Variants in NAT10 observed in about 807,000 individuals in gnomAD.
NAT10 encodes N-acetyltransferase 10.
In NAT10, 109 loss-of-function variants were observed where a neutral mutation model predicts 132.2. That is an observed-to-expected ratio of 0.82 (90% CI 0.71 to 0.97). The LOEUF (loss-of-function observed/expected upper bound fraction) is 0.97, where lower values mean the gene tolerates loss of function less well. Among genes scored for constraint, NAT10 ranks in the 50% least tolerant of loss-of-function variants. The probability of loss-of-function intolerance (pLI) is 0.00; values close to 1 mark genes in which losing one functional copy is unlikely to be tolerated. For synonymous variants in NAT10, 479 were observed against 478.0 expected (o/e 1.00, Z -0.03); for missense variants, 1,184 against 1,263.4 (o/e 0.94, Z 0.95).
intron 5 of NAT10, among the ~76,000 whole-genome samples, chr11:34,114,956 C>T (rs1428470306): frequency 6.6e-6 from 1 of 152,070 alleles, no homozygotes; most frequent in Non-Finnish European, 1.5e-5. Flanking sequence ...AGTTTGAGAC[C>T]AGCCTGGCCA....
rs750175414 is a variant in NAT10 at position 34,140,588 on chromosome 11, C to T, written c.2592+16C>T. On this transcript the variant is annotated intron_variant, in intron 24 of 28. Coordinates refer to ENST00000257829, the MANE Select transcript of NAT10 (RefSeq NM_024662.3). ...GGCTCAGTCGGTATGCTATCTGTTG[C>T]TTGCGTGGAGGAGAAGCGAGGATTG... The T allele has an allele frequency of 6.2e-7, 1 of 1,609,224 alleles. No homozygotes were observed. The highest frequency in any genetic ancestry group is 1.7e-5 in the Admixed American group (1 of 59,824).
intron 27 of NAT10, among the ~76,000 whole-genome samples, chr11:34,142,575 C>T (rs1010024774): frequency 6.6e-6 from 1 of 152,210 alleles, no homozygotes; most frequent in African/African-American, 2.4e-5. Context: ...ACATTGCACT[C>T]TCTGATCCCC....
At position 34,112,331 on chromosome 11, in the gene NAT10, T is replaced by A; in HGVS notation, c.372+108T>A. The A allele has an allele frequency of 6.9e-6, 9 of 1,301,442 alleles. No individual in the cohort carries two copies. In the South Asian group the frequency reaches 1.1e-4, roughly 16 times the overall value. The allele number at this position is 1,301,442 out of a possible 1,614,324, so 80.6% of individuals were successfully genotyped here. On this transcript the variant is annotated intron_variant, in intron 4 of 28. Transcript: ENST00000257829. ...GTACAGTAAGGAGAGGAGAGTCCCA[T>A]GTTCCCTATGCCCAAGCATTATTAG... is the stretch of plus-strand genomic sequence containing the variant.
At chr11:34,140,946 G>A in intron 24 of NAT10, 143 bp from the exon 25 acceptor site, 5 of 1,141,426 alleles carry the variant, frequency 4.4e-6, no homozygotes, top group East Asian at 2.4e-5. Flanking sequence ...GTAACAGGAT[G>A]AAAGAGAAGA....
chr11:34,118,497 A>G lies in NAT10; in HGVS notation c.774A>G (p.Leu258=). The G allele has an allele frequency of 6.2e-7, 1 of 1,612,898 alleles. No homozygotes were observed. The highest frequency in any genetic ancestry group is 8.5e-7 in the Non-Finnish European group (1 of 1,179,348). ...VGVLVDCCKT[L]DQAKAVLKFI... ...TGTTGGTGGACTGCTGTAAGACTCT[A>G]GACCAGGTGAGTGTGGTGCTCAGCA... Residue 258 remains leucine, a synonymous_variant, in exon 8 of 29, where the codon CTA becomes CTG. Transcript: ENST00000257829.
rs1851820330 is a variant in NAT10 at position 34,118,303 on chromosome 11, G to C, written c.672+9G>C. ...TGCCTCCCCAGACTCCGGTGAGTCT[G>C]TGCTGGGGTCCAGGAATCTGGGGGA... On this transcript the variant is annotated intron_variant, in intron 7 of 28. Transcript: ENST00000257829. 2 of 1,613,292 alleles carry C rather than the reference G, an allele frequency of 1.2e-6. No individual in the cohort carries two copies. Among genetic ancestry groups the C allele is most frequent in the Admixed American group, 3.3e-5 (2 of 59,992 alleles).
At position 34,125,930 on chromosome 11, in the gene NAT10, G is replaced by A. The variant is rs144908599; in HGVS notation, c.1107+1530G>A. Among the ~76,000 whole-genome samples, 993 of 151,842 alleles carry A rather than the reference G, an allele frequency of 6.5e-3. 14 individuals carry two copies. The highest frequency in any genetic ancestry group is 0.022 in the African/African-American group (925 of 41,382). On this transcript the variant is annotated intron_variant, in intron 11 of 28. Coordinates refer to ENST00000257829, the MANE Select transcript of NAT10 (RefSeq NM_024662.3). ...CTGGAGGCAGAGGTTGCAATGAGCC[G>A]AGATCACACCACTGCACTCCAGCCT...
At position 34,110,559 on chromosome 11, in the gene NAT10, CTTTTTTT is replaced by C. The variant is rs948109196; in HGVS notation, c.201-1474_201-1468del. Among the ~76,000 whole-genome samples the C allele has an allele frequency of 5.3e-4, 54 of 101,716 alleles. No individual in the cohort carries two copies. The South Asian group carries it at 5.9e-3, about 11-fold the overall frequency. 66.7% of individuals were successfully genotyped at this position (101,716 alleles called of 152,430 possible). ...CTTACGTTCATTTTTTTTTCTTTCC[CTTTTTTT>C]TTTTTTTTTTTTTTTTTTACTTTCA... On this transcript the variant is annotated intron_variant, in intron 3 of 28. Coordinates refer to ENST00000257829, the MANE Select transcript of NAT10 (RefSeq NM_024662.3).
chr11:34,115,953 C>T, intron 6 of NAT10, 69 bp downstream of exon 6: 2 of 1,521,462 alleles, frequency 1.3e-6, no homozygotes, highest in Non-Finnish European at 1.8e-6. Context: ...TTGGACTCAA[C>T]TGAAAACTTT....
chr11:34,141,335 A>ACG, intron 25 of NAT10, 127 bp downstream of exon 25: 3 of 1,323,856 alleles, frequency 2.3e-6, no homozygotes, highest in Non-Finnish European at 3.1e-6. Context: ...ACACACACAC[A>ACG]CACACACACA....
At position 34,135,266 on chromosome 11, in the gene NAT10, A is replaced by G; in HGVS notation, c.2003A>G (p.Gln668Arg). Residue 668 changes from glutamine to arginine, a missense_variant, in exon 19 of 29, where the codon CAG (glutamine) becomes CGG (arginine). By Grantham distance (43) the Gln-to-Arg change is conservative. Transcript: ENST00000257829. Reference protein sequence around the residue: ...CLEEKVLETPQEIHTVSSEAV... With the variant: ...CLEEKVLETPREIHTVSSEAV... Reference sequence around the variant, plus strand: ...GAGGAAAAGGTCCTTGAGACACCACAGGAAATTCACACCGTAAGCAGCGAG... The same window carrying G: ...GAGGAAAAGGTCCTTGAGACACCACGGGAAATTCACACCGTAAGCAGCGAG... 6.2e-7 allele frequency: 1 copy of G among 1,614,154 alleles called. No homozygotes were observed. The highest frequency in any genetic ancestry group is 8.5e-7 in the Non-Finnish European group (1 of 1,180,004).
intron 19 of NAT10, 56 bp from the exon 20 acceptor site, chr11:34,136,586 C>T (rs551064022): frequency 3.6e-5 from 58 of 1,608,166 alleles, no homozygotes; most frequent in Non-Finnish European, 4.3e-5. Context: ...GGGTGCTTGA[C>T]GATGTCTCTC....
intron 5 of NAT10, among the ~76,000 whole-genome samples, chr11:34,114,255 G>C (rs1851747121): frequency 6.6e-6 from 1 of 152,224 alleles, no homozygotes; most frequent in Non-Finnish European, 1.5e-5. Flanking sequence ...TTGTACTCCA[G>C]TTTGGCAAGA....
In NAT10 at chr11:34,140,503, G is replaced by T. The variant is rs139994690; in HGVS notation, c.2523G>T (p.Met841Ile). The T allele has an allele frequency of 6.2e-7, 1 of 1,614,074 alleles. No homozygotes were observed. Among genetic ancestry groups the T allele is most frequent in the Non-Finnish European group, 8.5e-7 (1 of 1,180,036 alleles). The change falls in exon 24 of 29, where the codon ATG (methionine) becomes ATT (isoleucine). Residue 841 changes from methionine (M) to isoleucine (I), a missense_variant. Coordinates refer to ENST00000257829, the MANE Select transcript of NAT10 (RefSeq NM_024662.3). ...TGGACTATCACCTCATCATGGACATGATCCCGGCCATCTCTCGCATCTATT... is the reference window on the plus strand; with the variant it reads ...TGGACTATCACCTCATCATGGACATTATCCCGGCCATCTCTCGCATCTATT... Reference protein sequence around the residue: ...NMVDYHLIMDMIPAISRIYFL... With the variant: ...NMVDYHLIMDIIPAISRIYFL...
chr11:34,138,251 C>T (rs1032038319), intron 21 of NAT10, among the ~76,000 whole-genome samples: 1 of 152,080 alleles, frequency 6.6e-6, no homozygotes, highest in African/African-American at 2.4e-5. Context: ...ACAGGGAAGG[C>T]AGAGAGCGTG....
intron 28 of NAT10, 26 bp downstream of exon 28, chr11:34,143,554 T>TCTGG (rs1852380261): frequency 1.2e-6 from 2 of 1,606,060 alleles, no homozygotes; most frequent in Admixed American, 1.7e-5. Context: ...CTGATGTGCA[T>TCTGG]CTGGCGGAAG....
rs775118907 is a variant in NAT10, at chr11:34,146,239, C to A, written c.*47C>A. The A allele has an allele frequency of 7.3e-7, 1 of 1,370,174 alleles. No homozygotes were observed. Among genetic ancestry groups the A allele is most frequent in the South Asian group, 1.3e-5 (1 of 76,298 alleles). 84.9% of individuals were successfully genotyped at this position (1,370,174 alleles called of 1,614,324 possible). A position where few individuals can be genotyped will look rare whatever the true frequency, so the allele number is the denominator to read the frequency against. On this transcript the variant is annotated 3_prime_UTR_variant, in exon 29 of 29. Transcript: ENST00000257829. Reference sequence around the variant, plus strand: ...GTGTTTGATCATGGGAAGATACTCTCACTAACTGAACCCTCTCTGGCTGGA... The same window carrying A: ...GTGTTTGATCATGGGAAGATACTCTAACTAACTGAACCCTCTCTGGCTGGA...
At chr11:34,118,880 G>A (rs1851834346) in intron 8 of NAT10, among the ~76,000 whole-genome samples, 1 of 152,156 alleles carries the variant, frequency 6.6e-6, no homozygotes, top group African/African-American at 2.4e-5. Flanking sequence ...AAGGTGCTGA[G>A]ATTACAGGCA....
intron 15 of NAT10, among the ~76,000 whole-genome samples, chr11:34,132,686 T>C (rs1852126853): frequency 6.6e-6 from 1 of 152,258 alleles, no homozygotes; most frequent in Non-Finnish European, 1.5e-5. Flanking sequence ...GAGTTGGTGT[T>C]AGAAGTGGTG....
Sources: gnomAD v4.1 joint callset for allele counts (sites outside exome capture counted in the v4.1 genomes callset) on GRCh38, gnomAD v4.1.1 for gene constraint, MANE v1.5 for transcripts, NCBI Gene and HGNC (gene_info 2026-07-23, HGNC 2026-07-21) for gene names.